COL28A1: variants seen among roughly 807,000 people sequenced by gnomAD.
COL28A1 encodes collagen alpha-1(XXVIII) chain.
A neutral mutation model predicts 150.2 loss-of-function variants in COL28A1; 161 were observed. The ratio of observed to expected loss-of-function variants is 1.07; its 90% CI spans 0.94 to 1.22. COL28A1 has a LOEUF of 1.22. Among genes scored for constraint, COL28A1 ranks in the 50% most tolerant of loss-of-function variants. The pLI is 0.00. For missense variants in COL28A1, 1,617 were observed against 1,388.3 expected (o/e 1.16, Z -2.62); for synonymous variants, 552 against 469.7 (o/e 1.18, Z -2.26).
chr7:7,466,325 C>T lies in COL28A1; in HGVS notation c.1302+8276G>A, dbSNP rs552787595. 9.0e-4 allele frequency among the ~76,000 whole-genome samples: 130 copies of T among 144,694 alleles called. 7 individuals carry two copies. The East Asian group carries it at 0.015, about 16-fold the overall frequency. The allele number at this position is 144,694 out of a possible 152,430, so 94.9% of individuals were successfully genotyped here. A position where few individuals can be genotyped will look rare whatever the true frequency, so the allele number is the denominator to read the frequency against. On this transcript the variant is annotated intron_variant, in intron 15 of 34. Transcript: ENST00000399429. ...TGAAGAATGCAGAAGCCTCAGGAGC[C>T]GATGTGATCAACTGGAAGAAAGGGT... is the stretch of plus-strand genomic sequence containing the variant.
intron 19 of COL28A1, among the ~76,000 whole-genome samples, 197 bp from the exon 20 acceptor site, chr7:7,443,850 A>G (rs1786008418): frequency 6.6e-6 from 1 of 152,208 alleles, no homozygotes; most frequent in South Asian, 2.1e-4. Flanking sequence ...AGTTTAACTC[A>G]GAGCAGCTGC....
intron 25 of COL28A1, among the ~76,000 whole-genome samples, chr7:7,429,487 G>C (rs185213347): frequency 1.4e-4 from 21 of 150,704 alleles, no homozygotes; most frequent in African/African-American, 4.9e-4. Flanking sequence ...GGGGGGGATG[G>C]TGTGTGTGTA....
intron 11 of COL28A1, among the ~76,000 whole-genome samples, chr7:7,493,849 A>AACAC (rs3040237): frequency 2.8e-3 from 419 of 150,710 alleles, no homozygotes; most frequent in African/African-American, 9.6e-3. Flanking sequence ...AGCCCTTAGC[A>AACAC]ACACACACAC....
At chr7:7,489,487 T>C in intron 12 of COL28A1, 30 bp from the exon 13 acceptor site, 1 of 972,650 alleles carries the variant, frequency 1.0e-6, no homozygotes, top group South Asian at 1.3e-5. Context: ...GAATGAAAGC[T>C]TGAGATTTTA....
chr7:7,375,895 A>G (rs1485847310), intron 30 of COL28A1, among the ~76,000 whole-genome samples: 1 of 152,160 alleles, frequency 6.6e-6, no homozygotes, highest in Non-Finnish European at 1.5e-5. Context: ...CAGTTATACA[A>G]TTTAAACCAC....
intron 3 of COL28A1, among the ~76,000 whole-genome samples, chr7:7,527,841 T>C (rs967289519): frequency 1.1e-4 from 17 of 152,090 alleles, no homozygotes; most frequent in Non-Finnish European, 2.4e-4. Context: ...ACAGAAAACA[T>C]GTGAGGGATG....
chr7:7,529,132 C>CA (rs1326067480), intron 3 of COL28A1, among the ~76,000 whole-genome samples: 5 of 151,424 alleles, frequency 3.3e-5, no homozygotes, highest in Non-Finnish European at 7.4e-5. Flanking sequence ...CTCAAAAATA[C>CA]AAAAAAATGA....
intron 15 of COL28A1, among the ~76,000 whole-genome samples, chr7:7,464,593 T>C (rs1268203525): frequency 6.6e-6 from 1 of 152,180 alleles, no homozygotes; most frequent in East Asian, 1.9e-4. Flanking sequence ...AAGATGGAAA[T>C]TTAAAAATTC....
the COL28A1 span, among the ~76,000 whole-genome samples, chr7:7,339,358 C>T: frequency 6.6e-6 from 1 of 152,068 alleles, no homozygotes; most frequent in Non-Finnish European, 1.5e-5. Context: ...ACTGTTTTTG[C>T]TAAGGTCTCT....
chr7:7,408,911 T>C (rs1254948931), intron 27 of COL28A1, among the ~76,000 whole-genome samples: 1 of 152,012 alleles, frequency 6.6e-6, no homozygotes, highest in African/African-American at 2.4e-5. Flanking sequence ...TAGTTTTCTC[T>C]CTCTAACATT....
At chr7:7,517,223 G>C (rs1781464252) in intron 7 of COL28A1, among the ~76,000 whole-genome samples, 1 of 152,042 alleles carries the variant, frequency 6.6e-6, no homozygotes, top group South Asian at 2.1e-4. Context: ...AGGGGGACAA[G>C]CAGAGAGGGG....
At chr7:7,433,011 C>T (rs1309509323) in intron 23 of COL28A1, among the ~76,000 whole-genome samples, 2 of 151,836 alleles carry the variant, frequency 1.3e-5, no homozygotes, top group Admixed American at 1.3e-4. Context: ...ATTAATGGGG[C>T]CCGAATTATA....
At chr7:7,403,015 C>T (rs1305531694) in intron 27 of COL28A1, among the ~76,000 whole-genome samples, 1 of 152,090 alleles carries the variant, frequency 6.6e-6, no homozygotes, top group Non-Finnish European at 1.5e-5. Context: ...ATCTCACAGT[C>T]TGGTGGTTAG....
chr7:7,522,717 ATCTTTTGGCT>A (rs1457231783), intron 4 of COL28A1, among the ~76,000 whole-genome samples: 8 of 149,960 alleles, frequency 5.3e-5, no homozygotes, highest in African/African-American at 2.0e-4. Context: ...GGGGTGTCTA[ATCTTTTGGCT>A]TCCCTGGGCC....
intron 27 of COL28A1, 133 bp from the exon 28 acceptor site, chr7:7,381,745 A>ATG: frequency 1.7e-6 from 1 of 574,858 alleles, no homozygotes; most frequent in Non-Finnish European, 3.1e-6. Context: ...ATATATATAT[A>ATG]TATGTATATA....
At chr7:7,360,312 T>C (rs1780577218) in intron 34 of COL28A1, 78 bp downstream of exon 34, 2 of 1,371,622 alleles carry the variant, frequency 1.5e-6, no homozygotes, top group Non-Finnish European at 1.9e-6. Context: ...GATTGGCAGA[T>C]CTCTCTTTCC....
chr7:7,521,499 G>A (rs953060211), intron 5 of COL28A1, among the ~76,000 whole-genome samples: 5 of 152,208 alleles, frequency 3.3e-5, no homozygotes, highest in Admixed American at 1.3e-4. Flanking sequence ...TGCTGCATTC[G>A]TGTGAAGCCA....
intron 3 of COL28A1, among the ~76,000 whole-genome samples, chr7:7,527,433 G>T (rs1232057567): frequency 6.6e-6 from 1 of 152,178 alleles, no homozygotes; most frequent in East Asian, 1.9e-4. Context: ...AGTTGATGAG[G>T]AAAAAAGTCA....
At chr7:7,354,231 C>A (rs939388312), downstream of COL28A1, among the ~76,000 whole-genome samples, 1 of 151,936 alleles carries the variant, frequency 6.6e-6, no homozygotes, top group Admixed American at 6.6e-5. Flanking sequence ...TGGGCTCAAG[C>A]GATCTGCCCA....
Sources: allele counts gnomAD v4.1 joint callset (sites outside exome capture counted in the v4.1 genomes callset), GRCh38; gene constraint gnomAD v4.1.1; transcripts MANE v1.5; gene names NCBI Gene and HGNC (gene_info 2026-07-23, HGNC 2026-07-21).